Variants in ITGA10 observed in about 807,000 individuals in gnomAD.
The protein encoded by ITGA10 is integrin subunit alpha 10, also known as integrin alpha-10.
A neutral mutation model predicts 145.2 loss-of-function variants in ITGA10; 105 were observed. That is an observed-to-expected ratio of 0.72 (90% CI 0.62 to 0.85). ITGA10 has a LOEUF of 0.85. Among genes scored for constraint, ITGA10 ranks in the 40% least tolerant of loss-of-function variants. ITGA10 has a pLI of 0.00. For synonymous variants in ITGA10, 506 were observed against 557.8 expected (o/e 0.91, Z 1.31); for missense variants, 1,317 against 1,444.5 (o/e 0.91, Z 1.43).
chr1:145,907,247 C>T, intron 2 of ITGA10, 97 bp from the exon 3 acceptor site: 2 of 1,591,580 alleles, frequency 1.3e-6, no homozygotes, highest in African/African-American at 1.3e-5. Context: ...TTTAGAGCCC[C>T]AGCCACTTTC....
chr1:145,907,608 A>T, intron 1 of ITGA10, 143 bp from the exon 2 acceptor site: 1 of 1,463,724 alleles, frequency 6.8e-7, no homozygotes, highest in Non-Finnish European at 9.0e-7. Flanking sequence ...TCTCAGTGTC[A>T]TGTACTCAGA....
chr1:145,901,850 A>T lies in ITGA10; in HGVS notation c.1294+27T>A. 6.2e-7 allele frequency: 1 copy of T among 1,613,726 alleles called. No homozygotes were observed. Among genetic ancestry groups the T allele is most frequent in the Non-Finnish European group, 8.5e-7 (1 of 1,179,824 alleles). On this transcript the variant is annotated intron_variant, in intron 11 of 29. Coordinates refer to ENST00000369304, the MANE Select transcript of ITGA10 (RefSeq NM_003637.5). This position sits in a 1 kb window ranked among gnomAD's most constrained non-coding sequence, Gnocchi z 4.3. ...GATGTATTTCCTCCCCTACCCTGTA[A>T]GTCCTCTGCAACTCTCTGCTGCTCA...
Position 145,899,313 on chromosome 1 carries a change from A to T in ITGA10, c.1951T>A (p.Ser651Thr). 1 of 1,614,110 alleles carries T rather than the reference A, an allele frequency of 6.2e-7. No homozygotes were observed. Among genetic ancestry groups the T allele is most frequent in the Non-Finnish European group, 8.5e-7 (1 of 1,179,998 alleles). The change falls in exon 16 of 30, where the codon TCA (serine) becomes ACA (threonine). Residue 651 changes from serine to threonine, a missense_variant. Coordinates refer to ENST00000369304, the MANE Select transcript of ITGA10 (RefSeq NM_003637.5). ...SSRPIVHLTP[S>T]LEVTPQAISV... is the part of the protein sequence containing the mutation. The stretch of plus-strand genomic sequence containing the variant: ...ATGGCCTGTGGGGTCACCTCCAGTG[A>T]TGGGGTCAGATGGACAATGGGCCGG...
At position 145,897,533 on chromosome 1, in the gene ITGA10, G is replaced by C; in HGVS notation, c.2553C>G (p.His851Gln). 6.2e-7 allele frequency: 1 copy of C among 1,614,132 alleles called. No individual in the cohort carries two copies. The highest frequency in any genetic ancestry group is 2.2e-5 in the East Asian group (1 of 44,872). ...SLSLIFSRNL[H>Q]LASLTPQRES... is the part of the protein sequence containing the mutation. ...GCACCTGAGGAGTGAGACTGGCCAG[G>C]TGGAGGTTTCTAGAGAAGATGAGAC... The change falls in exon 20 of 30, where the codon CAC becomes CAG. Residue 851 changes from histidine to glutamine, a missense_variant. By Grantham distance (24) the His-to-Gln change is conservative. Coordinates refer to ENST00000369304, the MANE Select transcript of ITGA10 (RefSeq NM_003637.5).
Position 145,901,482 on chromosome 1 carries a change from A to C in ITGA10, c.1443+34T>G, listed in dbSNP as rs1553748409. ...CCCAACAGCCCAGAGGTCCCTGGGA[A>C]TCCAAAGGTCCCACCCTTCCTTGGA... On this transcript the variant is annotated intron_variant, in intron 12 of 29. Coordinates refer to ENST00000369304, the MANE Select transcript of ITGA10 (RefSeq NM_003637.5). This position sits in a 1 kb window ranked among gnomAD's most constrained non-coding sequence, Gnocchi z 4.3. 6.5e-7 allele frequency: 1 copy of C among 1,536,044 alleles called. No individual in the cohort carries two copies. Among genetic ancestry groups the C allele is most frequent in the East Asian group, 2.3e-5 (1 of 44,228 alleles).
chr1:145,897,850 C>T lies in ITGA10; in HGVS notation c.2397G>A (p.Leu799=), dbSNP rs1233178855. 4.3e-6 allele frequency: 7 copies of T among 1,613,990 alleles called. No homozygotes were observed. In the African/African-American group the frequency reaches 6.7e-5, roughly 15 times the overall value. Residue 799 remains leucine (L), a synonymous_variant, in exon 19 of 30, where the codon CTG becomes CTA. Transcript: ENST00000369304. Reference sequence around the variant, plus strand: ...TGATGTCCATATTCACTTGAAGCACCAGGTCTGTGACACATTCATTGTCAG... The same window carrying T: ...TGATGTCCATATTCACTTGAAGCACTAGGTCTGTGACACATTCATTGTCAG... ...CGPDNECVTD[L]VLQVNMDIRG...
Position 145,904,157 on chromosome 1 carries a change from G to T in ITGA10, c.653C>A (p.Ser218Tyr). The T allele has an allele frequency of 6.2e-7, 1 of 1,614,048 alleles. No individual in the cohort carries two copies. Among genetic ancestry groups the T allele is most frequent in the Non-Finnish European group, 8.5e-7 (1 of 1,179,992 alleles). The change falls in exon 7 of 30, where the codon TCC (serine) becomes TAC (tyrosine). Residue 218 changes from serine to tyrosine, a missense_variant. Ser to Tyr is a moderately radical substitution (Grantham distance 144). Coordinates refer to ENST00000369304, the MANE Select transcript of ITGA10 (RefSeq NM_003637.5). ...TTCCTTCGTTCGGAAATCTCCCAGG[G>T]ACCACTCATGTACAGGGCTCTCCCC... ...QYGESPVHEW[S>Y]LGDFRTKEEV...
At chr1:145,909,390 C>A (rs1657545737) in intron 1 of ITGA10, among the ~76,000 whole-genome samples, 1 of 148,106 alleles carries the variant, frequency 6.8e-6, no homozygotes, top group South Asian at 2.1e-4. Flanking sequence ...GCCTAGACAA[C>A]AAAGTGAGAC....
Position 145,895,354 on chromosome 1 carries a change from G to GT in ITGA10, c.3153_3154insA (p.Leu1052ThrfsTer9), listed in dbSNP as rs1320252587. On this transcript the variant is annotated frameshift_variant, in exon 27 of 30. Transcript: ENST00000369304. LOFTEE classifies it high-confidence loss of function. ...TCAGTCCCCTTTGCCAGCTGCCCAA[G>GT]GTGGCACCTCACCACCTGACACTGA... The GT allele has an allele frequency of 6.2e-7, 1 of 1,614,126 alleles. No individual in the cohort carries two copies. Among genetic ancestry groups the GT allele is most frequent in the Non-Finnish European group, 8.5e-7 (1 of 1,179,996 alleles).
At position 145,897,846 on chromosome 1, in the gene ITGA10, G is replaced by T. The variant is rs782661296; in HGVS notation, c.2401C>A (p.Leu801Ile). The change falls in exon 19 of 30, where the codon CTT becomes ATT. Residue 801 changes from leucine (L) to isoleucine (I), a missense_variant. Leu to Ile is a conservative substitution (Grantham distance 5, BLOSUM62 2). Transcript: ENST00000369304. ...CCTCTGATGTCCATATTCACTTGAA[G>T]CACCAGGTCTGTGACACATTCATTG... is the stretch of plus-strand genomic sequence containing the variant. ...PDNECVTDLV[L>I]QVNMDIRGSR... 1 of 1,614,182 alleles carries T rather than the reference G, an allele frequency of 6.2e-7. No individual in the cohort carries two copies. The highest frequency in any genetic ancestry group is 8.5e-7 in the Non-Finnish European group (1 of 1,180,024).
chr1:145,902,052 G>T (rs587672270), intron 10 of ITGA10, 31 bp from the exon 11 acceptor site: 1 of 1,610,112 alleles, frequency 6.2e-7, no homozygotes, highest in South Asian at 1.1e-5. Flanking sequence ...GGGTCACTGA[G>T]AAGACAGTGG....
chr1:145,894,926 T>C (rs1218600886), intron 27 of ITGA10, among the ~76,000 whole-genome samples: 1 of 152,162 alleles, frequency 6.6e-6, no homozygotes, highest in Admixed American at 6.5e-5. Context: ...ACTGATTAAA[T>C]TTAGGTATCC....
rs1559194163 is a variant in ITGA10, at chr1:145,897,327, T to C, written c.2587A>G (p.Ile863Val). 3 of 1,613,950 alleles carry C rather than the reference T, an allele frequency of 1.9e-6. No homozygotes were observed. Among genetic ancestry groups the C allele is most frequent in the East Asian group, 2.2e-5 (1 of 44,874 alleles). Residue 863 changes from isoleucine (I) to valine (V), a missense_variant, in exon 21 of 30, where the codon ATA (isoleucine) becomes GTA (valine). By Grantham distance (29) the Ile-to-Val change is conservative. Coordinates refer to ENST00000369304, the MANE Select transcript of ITGA10 (RefSeq NM_003637.5). The stretch of plus-strand genomic sequence containing the variant: ...GAAGGGGCGGCACATTCCACCTTTA[T>C]TGGGCTCTCTCTCTGAGGGCAGGGG... ...ASLTPQRESPIKVECAAPSAH... is the reference protein window; with the variant it reads ...ASLTPQRESPVKVECAAPSAH...
intron 14 of ITGA10, among the ~76,000 whole-genome samples, chr1:145,900,578 T>C (rs1656141992): frequency 6.6e-6 from 1 of 152,172 alleles, no homozygotes; most frequent in African/African-American, 2.4e-5. Flanking sequence ...TTGCTCTTTA[T>C]AATGCTCCCG....
At chr1:145,902,145 G>A in intron 10 of ITGA10, 101 bp downstream of exon 10, 6 of 1,560,756 alleles carry the variant, frequency 3.8e-6, no homozygotes, top group South Asian at 2.2e-5. Context: ...ATGGGAAGGT[G>A]AGCATGGAGG....
At position 145,891,418 on chromosome 1, in the gene ITGA10, C is replaced by A. The variant is rs1654745181; in HGVS notation, c.*1380G>T. The A allele has an allele frequency of 6.6e-6, 1 of 152,638 alleles. No homozygotes were observed. The highest frequency in any genetic ancestry group is 6.5e-5 in the Admixed American group (1 of 15,270). 9.5% of individuals were successfully genotyped at this position (152,638 alleles called of 1,614,324 possible). ...AATCAGGTCTTCTCTCTTCTCAGCTCTTAATGAGTGCTGATTCTTCAAAAG... is the reference window on the plus strand; with the variant it reads ...AATCAGGTCTTCTCTCTTCTCAGCTATTAATGAGTGCTGATTCTTCAAAAG... On this transcript the variant is annotated 3_prime_UTR_variant, in exon 30 of 30. Transcript: ENST00000369304.
Position 145,893,581 on chromosome 1 carries a change from C to A in ITGA10, c.3283G>T (p.Gly1095Cys). 2 of 1,613,368 alleles carry A rather than the reference C, an allele frequency of 1.2e-6. No homozygotes were observed. The highest frequency in any genetic ancestry group is 1.1e-5 in the South Asian group (1 of 90,890). ...GCTTCAGTCAGCTGTAGGACACTGC[C>A]CTCTTCGGTTCCCAGCTCAAAGGTG... ...VSTFELGTEE[G>C]SVLQLTEASR... The change falls in exon 28 of 30, where the codon GGC becomes TGC. Residue 1095 changes from glycine to cysteine, a missense_variant. Gly to Cys is a radical substitution (Grantham distance 159). Transcript: ENST00000369304.
intron 20 of ITGA10, 79 bp from the exon 21 acceptor site, chr1:145,897,418 C>T: frequency 6.3e-7 from 1 of 1,594,270 alleles, no homozygotes; most frequent in Admixed American, 1.7e-5. Context: ...AAACACTGAG[C>T]CTTTCTCTAG....
chr1:145,895,228 A>T, intron 27 of ITGA10, 52 bp downstream of exon 27: 1 of 1,349,404 alleles, frequency 7.4e-7, no homozygotes. Flanking sequence ...AACCTATGCT[A>T]AAGTTCCAGA....
Sources: gnomAD v4.1 joint callset for allele counts (sites outside exome capture counted in the v4.1 genomes callset) on GRCh38, gnomAD v4.1.1 for gene constraint, Gnocchi (gnomAD v3.1) non-coding constraint, MANE v1.5 for transcripts, NCBI Gene and HGNC (gene_info 2026-07-23, HGNC 2026-07-21) for gene names.